RHPN2: variants seen among roughly 807,000 people sequenced by gnomAD.
RHPN2 encodes rhophilin-2.
RHPN2 carries 40 observed loss-of-function variants against 79.0 expected under a neutral mutation model. The ratio of observed to expected loss-of-function variants is 0.51; its 90% confidence interval spans 0.39 to 0.66. The LOEUF is 0.66. Among genes scored for constraint, RHPN2 ranks in the 30% least tolerant of loss-of-function variants. RHPN2 has a pLI of 0.00. For synonymous variants in RHPN2, 285 were observed against 363.5 expected (o/e 0.78, Z 2.46); for missense variants, 686 against 883.5 (o/e 0.78, Z 2.83).
rs577934543 is a variant in RHPN2, at chr19:33,009,032, G to A, written c.594-852C>T. ...CTGAACATTGCTACCTACTGTATAC[G>A]CTGTGTGATTCCAACATTCTGAAAA... On this transcript the variant is annotated intron_variant, in intron 6 of 14. Transcript: ENST00000254260. 6.6e-3 allele frequency among the ~76,000 whole-genome samples: 800 copies of A among 121,592 alleles called. 8 individuals carry two copies. The highest frequency in any genetic ancestry group is 0.023 in the African/African-American group (700 of 30,908). The allele number at this position is 121,592 out of a possible 152,430, so 79.8% of individuals were successfully genotyped here. A position where few individuals can be genotyped will look rare whatever the true frequency, so the allele number is the denominator to read the frequency against.
intron 2 of RHPN2, among the ~76,000 whole-genome samples, chr19:33,043,544 T>C (rs556197187): frequency 2.0e-5 from 3 of 152,166 alleles, no homozygotes; most frequent in Non-Finnish European, 2.9e-5. Flanking sequence ...AGAGCAAGAC[T>C]GTCTCCAAAC....
chr19:33,035,611 C>T (rs952298398), intron 2 of RHPN2, among the ~76,000 whole-genome samples: 4 of 151,858 alleles, frequency 2.6e-5, no homozygotes, highest in South Asian at 2.1e-4. Context: ...CAGAGGCGTT[C>T]GAAGGACAGC....
intron 1 of RHPN2, among the ~76,000 whole-genome samples, chr19:33,052,210 A>G (rs1334382047): frequency 1.3e-5 from 2 of 152,042 alleles, no homozygotes; most frequent in African/African-American, 2.4e-5. Context: ...TTCTTCCCCT[A>G]TGGGGGCCCT....
intron 10 of RHPN2, among the ~76,000 whole-genome samples, chr19:32,999,014 G>T (rs1171102364): frequency 1.3e-5 from 2 of 150,158 alleles, no homozygotes; most frequent in Non-Finnish European, 3.0e-5. Context: ...CAGAGGGGAG[G>T]GGATGGGAAA....
At chr19:33,000,218 A>G (rs1415595259) in intron 9 of RHPN2, among the ~76,000 whole-genome samples, 4 of 95,578 alleles carry the variant, frequency 4.2e-5, no homozygotes, top group African/African-American at 2.0e-4. Flanking sequence ...CCAGAGGTTC[A>G]TAATTTTTTT....
At chr19:33,008,741 G>T (rs1007235789) in intron 6 of RHPN2, among the ~76,000 whole-genome samples, 2 of 152,126 alleles carry the variant, frequency 1.3e-5, no homozygotes, top group African/African-American at 4.8e-5. Flanking sequence ...CTGTGCTCCA[G>T]CCTGGGCGAC....
intron 14 of RHPN2, among the ~76,000 whole-genome samples, chr19:32,980,750 C>T (rs1287437784): frequency 6.6e-6 from 1 of 152,140 alleles, no homozygotes; most frequent in African/African-American, 2.4e-5. Flanking sequence ...AACTCCTGGG[C>T]TCAAGCGATC....
chr19:33,023,429 C>A, intron 3 of RHPN2, among the ~76,000 whole-genome samples: 1 of 134,720 alleles, frequency 7.4e-6, no homozygotes, highest in Non-Finnish European at 1.5e-5. Flanking sequence ...AGCGAGACTC[C>A]ATCTCAGGAA....
chr19:32,988,018 C>CA (rs906718414), intron 14 of RHPN2, among the ~76,000 whole-genome samples: 1 of 151,404 alleles, frequency 6.6e-6, no homozygotes, highest in Non-Finnish European at 1.5e-5. Context: ...CCATCTCTAC[C>CA]AAAAAAAATT....
intron 3 of RHPN2, among the ~76,000 whole-genome samples, chr19:33,024,566 C>T (rs1449263534): frequency 6.6e-6 from 1 of 152,148 alleles, no homozygotes; most frequent in Non-Finnish European, 1.5e-5. Flanking sequence ...GAAACCACCC[C>T]GGTGCCCTGC....
At chr19:32,981,321 T>G (rs1243771365) in intron 14 of RHPN2, among the ~76,000 whole-genome samples, 2 of 148,948 alleles carry the variant, frequency 1.3e-5, no homozygotes, top group Non-Finnish European at 3.0e-5. Flanking sequence ...GAAGATTGCT[T>G]GAGCCCAGGA....
At position 33,025,981 on chromosome 19, in the gene RHPN2, G is replaced by GTTTT. The variant is rs71340523; in HGVS notation, c.314+519_314+522dup. ...ACTAGATTTTATACTGTGTTCATTT[G>GTTTT]TTTTTTTTTTTTTTTGTCTGTTTGT... is the stretch of plus-strand genomic sequence containing the variant. On this transcript the variant is annotated intron_variant, in intron 3 of 14. Transcript: ENST00000254260. Among the ~76,000 whole-genome samples, 20 of 129,100 alleles carry GTTTT rather than the reference G, an allele frequency of 1.5e-4. 1 individual carries two copies. Among genetic ancestry groups the GTTTT allele is most frequent in the South Asian group, 2.4e-4 (1 of 4,146 alleles). The allele number at this position is 129,100 out of a possible 152,430, so 84.7% of individuals were successfully genotyped here.
intron 2 of RHPN2, among the ~76,000 whole-genome samples, chr19:33,032,064 G>A (rs1026733544): frequency 1.6e-4 from 18 of 112,322 alleles, no homozygotes; most frequent in African/African-American, 5.1e-4. Flanking sequence ...TCTTTCCCCC[G>A]GGCTGGAATG....
Position 32,991,862 on chromosome 19 carries a change from G to A in RHPN2, c.1605C>T (p.Pro535=), listed in dbSNP as rs778168443. ...DLGFTLRGNA[P]VQVHFLDPYC... ...AAGGATCCAGGAAGTGAACCTGAAC[G>A]GGGGCGTTCCCTCTCAAGGTGAACC... The change falls in exon 13 of 15, where the codon CCC becomes CCT. Residue 535 remains proline (P), a synonymous_variant. Transcript: ENST00000254260. 8 of 1,613,768 alleles carry A rather than the reference G, an allele frequency of 5.0e-6. No individual in the cohort carries two copies. In the African/African-American group the frequency reaches 5.3e-5, roughly 11 times the overall value.
rs1465887898 is a variant in RHPN2 at position 32,999,165 on chromosome 19, T to C, written c.1225+421A>G. On this transcript the variant is annotated intron_variant, in intron 10 of 14. Coordinates refer to ENST00000254260, the MANE Select transcript of RHPN2 (RefSeq NM_033103.5). Reference sequence around the variant, plus strand: ...TGCGCAGAGGGGCAGGTTAGGGTGGTGGAGGTGAGGTCTGCACATGGGAAG... The same window carrying C: ...TGCGCAGAGGGGCAGGTTAGGGTGGCGGAGGTGAGGTCTGCACATGGGAAG... Among the ~76,000 whole-genome samples the C allele has an allele frequency of 2.6e-5, 4 of 151,806 alleles. No homozygotes were observed. The South Asian group carries it at 6.3e-4, about 24-fold the overall frequency.
chr19:32,996,283 AG>A (rs1971701434), intron 10 of RHPN2, 63 bp from the exon 11 acceptor site: 1 of 1,563,026 alleles, frequency 6.4e-7, no homozygotes, highest in African/African-American at 1.4e-5. Context: ...TAAAGGCCCA[AG>A]GGGCAGCCCA....
chr19:33,030,053 C>T (rs907539404), intron 2 of RHPN2, among the ~76,000 whole-genome samples: 4 of 152,132 alleles, frequency 2.6e-5, no homozygotes, highest in Non-Finnish European at 5.9e-5. Flanking sequence ...CCACATAAAC[C>T]ACACCATTTG....
intron 4 of RHPN2, among the ~76,000 whole-genome samples, chr19:33,017,568 A>G (rs1971887992): frequency 6.6e-6 from 1 of 152,028 alleles, no homozygotes; most frequent in Admixed American, 6.6e-5. Flanking sequence ...TTAAATAAAA[A>G]TAGAGATGCG....
chr19:33,008,004 G>A lies in RHPN2; in HGVS notation c.760+10C>T. 1 of 1,612,042 alleles carries A rather than the reference G, an allele frequency of 6.2e-7. No homozygotes were observed. Reference sequence around the variant, plus strand: ...AAGGCTCCGTCTGGTCAGCCCTGGAGGAGACATACCTGCGGCTCTCTGAAA... The same window carrying A: ...AAGGCTCCGTCTGGTCAGCCCTGGAAGAGACATACCTGCGGCTCTCTGAAA... On this transcript the variant is annotated intron_variant, in intron 7 of 14. Transcript: ENST00000254260.
Sources: allele counts gnomAD v4.1 joint callset (sites outside exome capture counted in the v4.1 genomes callset), GRCh38; gene constraint gnomAD v4.1.1; transcripts MANE v1.5; gene names NCBI Gene and HGNC (gene_info 2026-07-23, HGNC 2026-07-21).